The following ATG10 variants were observed in gnomAD, a reference collection of about 807,000 sequenced individuals.
The protein encoded by ATG10 is autophagy related 10.
In ATG10, 30 loss-of-function variants were observed where a neutral mutation model predicts 32.1. The observed-to-expected ratio is 0.94, with a 90% CI of 0.70 to 1.27. The LOEUF is 1.27. Ranked by LOEUF, ATG10 falls within the 50% of genes most tolerant of loss-of-function variation. The pLI is 0.00. For synonymous variants in ATG10, 87 were observed against 91.5 expected, an observed-to-expected ratio of 0.95 and a Z score of 0.28; for missense variants, 233 against 262.3, an observed-to-expected ratio of 0.89 and a Z score of 0.77.
chr5:82,157,343 T>C (rs903473174), intron 3 of ATG10, among the ~76,000 whole-genome samples: 17 of 152,334 alleles, frequency 1.1e-4, no homozygotes, highest in African/African-American at 3.6e-4. Context: ...CCCTTTTTTG[T>C]TTCAGTGTTG....
rs560715577 is a variant in ATG10, at chr5:81,988,082, C to A, written c.108+404C>A. On this transcript the variant is annotated intron_variant, in intron 2 of 7. Transcript: ENST00000282185. ...ACCAAACCATAAACAATCACAAATT[C>A]TGAAATATTGAGGACTGTATTAATT... 1.1e-3 allele frequency among the ~76,000 whole-genome samples: 174 copies of A among 152,238 alleles called. 2 individuals are homozygous for A. The highest frequency in any genetic ancestry group is 2.3e-3 in the Admixed American group (35 of 15,292).
At chr5:82,054,372 G>A (rs1291733280) in intron 2 of ATG10, among the ~76,000 whole-genome samples, 1 of 152,182 alleles carries the variant, frequency 6.6e-6, no homozygotes, top group Non-Finnish European at 1.5e-5. Context: ...GGTGAGGCTT[G>A]AGATTCTGCC....
chr5:82,079,337 A>AAG (rs896840617), intron 3 of ATG10, among the ~76,000 whole-genome samples: 3 of 151,988 alleles, frequency 2.0e-5, no homozygotes, highest in Non-Finnish European at 2.9e-5. Context: ...GCAGCAGGCA[A>AAG]AGAGAGAGAG....
intron 2 of ATG10, among the ~76,000 whole-genome samples, chr5:81,994,765 G>A (rs1178637468): frequency 6.6e-6 from 1 of 152,162 alleles, no homozygotes; most frequent in Non-Finnish European, 1.5e-5. Flanking sequence ...AGTTTGCAGA[G>A]GTGGTTCTTT....
intron 3 of ATG10, among the ~76,000 whole-genome samples, chr5:82,063,637 C>T (rs762866054): frequency 6.6e-6 from 1 of 151,994 alleles, no homozygotes. Context: ...GGATTACAGG[C>T]ACCCATCATC....
chr5:82,084,208 G>T, intron 3 of ATG10, among the ~76,000 whole-genome samples: 1 of 152,180 alleles, frequency 6.6e-6, no homozygotes, highest in Non-Finnish European at 1.5e-5. Flanking sequence ...TAGCCAATCT[G>T]ATCAAGTGGA....
At chr5:81,997,940 A>T (rs1761716920) in intron 2 of ATG10, among the ~76,000 whole-genome samples, 1 of 152,262 alleles carries the variant, frequency 6.6e-6, no homozygotes, top group African/African-American at 2.4e-5. Context: ...AGAGGGAGAG[A>T]AAGCAAACAA....
intron 5 of ATG10, among the ~76,000 whole-genome samples, chr5:82,247,572 T>C (rs1257674817): frequency 1.3e-5 from 2 of 152,226 alleles, no homozygotes; most frequent in Non-Finnish European, 2.9e-5. Context: ...TTTTCTTTAA[T>C]TCACTGAACA....
At chr5:82,163,868 A>G (rs1034935363) in intron 3 of ATG10, among the ~76,000 whole-genome samples, 2 of 152,224 alleles carry the variant, frequency 1.3e-5, no homozygotes, top group African/African-American at 4.8e-5. Flanking sequence ...AGAAAACAGA[A>G]TCATCTCAGG....
At chr5:82,044,330 C>T (rs558002585) in intron 2 of ATG10, among the ~76,000 whole-genome samples, 10 of 152,198 alleles carry the variant, frequency 6.6e-5, no homozygotes, top group South Asian at 2.1e-4. Context: ...CCCCATGATC[C>T]GTTTACCTCC....
chr5:82,098,163 A>G (rs1190641600), intron 3 of ATG10, among the ~76,000 whole-genome samples: 1 of 152,186 alleles, frequency 6.6e-6, no homozygotes, highest in Admixed American at 6.5e-5. Flanking sequence ...TAATTAATCA[A>G]TTTTGATACA....
At chr5:82,118,234 C>T (rs1020762002) in intron 3 of ATG10, among the ~76,000 whole-genome samples, 11 of 149,904 alleles carry the variant, frequency 7.3e-5, no homozygotes, top group East Asian at 1.9e-4. Flanking sequence ...ATTAATTACA[C>T]GTGTAATTAT....
intron 3 of ATG10, among the ~76,000 whole-genome samples, chr5:82,124,903 C>A (rs930127796): frequency 2.6e-5 from 4 of 152,158 alleles, no homozygotes; most frequent in African/African-American, 9.7e-5. Flanking sequence ...TACTCTCCAT[C>A]CACCAGTGTA....
Position 82,115,848 on chromosome 5 carries a change from G to T in ATG10, c.217-48551G>T, listed in dbSNP as rs115159217. ...ATTCAGATTCAAGGGCTGAATACAA[G>T]TAGTAGCTTGGGAAAGAAACCAGAG... On this transcript the variant is annotated intron_variant, in intron 3 of 7. Transcript: ENST00000282185. 5.6e-3 allele frequency among the ~76,000 whole-genome samples: 856 copies of T among 152,172 alleles called. 8 individuals carry two copies. The highest frequency in any genetic ancestry group is 0.02 in the African/African-American group (818 of 41,546).
intron 3 of ATG10, among the ~76,000 whole-genome samples, chr5:82,092,424 C>G (rs1295804952): frequency 6.6e-6 from 1 of 152,156 alleles, no homozygotes; most frequent in Non-Finnish European, 1.5e-5. Flanking sequence ...TGGTATATAA[C>G]AAACCATCTC....
chr5:82,124,864 A>G (rs1340831099), intron 3 of ATG10, among the ~76,000 whole-genome samples: 1 of 152,158 alleles, frequency 6.6e-6, no homozygotes, highest in Admixed American at 6.5e-5. Flanking sequence ...AGGAATTGCC[A>G]CACTGTCTTC....
intron 5 of ATG10, among the ~76,000 whole-genome samples, chr5:82,251,423 T>A (rs1442288926): frequency 1.3e-5 from 2 of 152,196 alleles, no homozygotes; most frequent in Non-Finnish European, 2.9e-5. Context: ...AAATAAATTA[T>A]GCCAACACTT....
At chr5:82,172,380 C>T (rs1354289256) in intron 4 of ATG10, among the ~76,000 whole-genome samples, 1 of 151,960 alleles carries the variant, frequency 6.6e-6, no homozygotes, top group Non-Finnish European at 1.5e-5. Context: ...TGAACTTTGC[C>T]ATTTCTTTTC....
At chr5:82,175,908 C>T (rs901003192) in intron 4 of ATG10, among the ~76,000 whole-genome samples, 2 of 151,074 alleles carry the variant, frequency 1.3e-5, no homozygotes, top group African/African-American at 4.9e-5. Context: ...CACACACACA[C>T]CCCAAGGCAT....
Sources: allele counts gnomAD v4.1 joint callset (sites outside exome capture counted in the v4.1 genomes callset), GRCh38; gene constraint gnomAD v4.1.1; transcripts MANE v1.5; gene names NCBI Gene and HGNC (gene_info 2026-07-23, HGNC 2026-07-21).